EPG5: variants seen among roughly 807,000 people sequenced by gnomAD.
EPG5 encodes the protein ectopic P-granules 5 autophagy tethering factor.
EPG5 carries 159 observed loss-of-function variants against 302.7 expected under a neutral mutation model. The observed-to-expected ratio is 0.53, with a 90% confidence interval of 0.46 to 0.60. The LOEUF (loss-of-function observed/expected upper bound fraction) is 0.60. EPG5 is among the 20% of genes least tolerant of loss of function. The pLI is 0.00. For missense variants in EPG5, 2,896 were observed against 3,092.4 expected (o/e 0.94, Z 1.51); for synonymous variants, 1,158 against 1,136.8 (o/e 1.02, Z -0.37).
At position 45,858,699 on chromosome 18, in the gene EPG5, C is replaced by T; in HGVS notation, c.7093G>A (p.Glu2365Lys). The T allele has an allele frequency of 6.2e-7, 1 of 1,614,148 alleles. No homozygotes were observed. Among genetic ancestry groups the T allele is most frequent in the South Asian group, 1.1e-5 (1 of 91,092 alleles). The change falls in exon 41 of 44, where the codon GAG becomes AAG. Residue 2365 changes from glutamate to lysine, a missense_variant. By Grantham distance (56) the Glu-to-Lys change is moderately conservative. Around this residue, in one of 5 missense-constraint regions of EPG5, gnomAD observed 620 missense variants for 704.2 expected, o/e 0.88. Coordinates refer to ENST00000282041, the MANE Select transcript of EPG5 (RefSeq NM_020964.3). ...AAGTAACTGCCCAAGGTGAGGCACT[C>T]CTGCAGGAACTCTTCCATGGTGAGC... ...PELTMEEFLQECLTLGSYLTL... is the reference protein window; with the variant it reads ...PELTMEEFLQKCLTLGSYLTL...
chr18:45,807,936 G>A, the EPG5 span, among the ~76,000 whole-genome samples: 11 of 152,212 alleles, frequency 7.2e-5, no homozygotes, highest in East Asian at 2.1e-3. Flanking sequence ...AATTAAGGAG[G>A]CACTAGAGAA....
rs182512524 is a variant in EPG5 at position 45,889,859 on chromosome 18, C to T, written c.4891G>A (p.Ala1631Thr). ...ATATTAAGTGATGGTGGTTTAGCAG[C>T]TTCTGCTTGCAACTGCTTCACTTCC... The part of the protein sequence containing the change: ...RKEVKQLQAE[A>T]AKPPSLNIVE... The change falls in exon 28 of 44, where the codon GCT (alanine) becomes ACT (threonine). Residue 1631 changes from alanine (A) to threonine (T), a missense_variant. By Grantham distance (58) the Ala-to-Thr change is moderately conservative. Coordinates refer to ENST00000282041, the MANE Select transcript of EPG5 (RefSeq NM_020964.3). 1.8e-4 allele frequency: 288 copies of T among 1,612,336 alleles called. No homozygotes were observed. In the African/African-American group the frequency reaches 3.4e-3, roughly 19 times the overall value.
intron 27 of EPG5, among the ~76,000 whole-genome samples, chr18:45,893,458 A>G (rs12604856): frequency 0.83 from 125,473 of 151,570 alleles, 52,174 homozygotes; most frequent in East Asian, 0.9. Context: ...CCAGCTCCTC[A>G]GAGAGAATCA....
At chr18:45,856,024 T>C (rs1168867690) in intron 42 of EPG5, among the ~76,000 whole-genome samples, 5 of 152,210 alleles carry the variant, frequency 3.3e-5, no homozygotes, top group Admixed American at 2.0e-4. Flanking sequence ...AGAGTTACCA[T>C]AGGACCCAGC....
chr18:45,937,095 T>C (rs1169275189), intron 10 of EPG5, among the ~76,000 whole-genome samples: 1 of 151,896 alleles, frequency 6.6e-6, no homozygotes, highest in East Asian at 1.9e-4. Context: ...ACATGGGACC[T>C]GATGCTGTTT....
At chr18:45,898,145 A>G (rs1425314001) in intron 27 of EPG5, among the ~76,000 whole-genome samples, 4 of 152,176 alleles carry the variant, frequency 2.6e-5, no homozygotes, top group Non-Finnish European at 1.5e-5. Context: ...AGATTGCTTG[A>G]GCCCACTAGT....
At position 45,941,183 on chromosome 18, in the gene EPG5, G is replaced by A. The variant is rs964379487; in HGVS notation, c.1944-1428C>T. 2.0e-5 allele frequency among the ~76,000 whole-genome samples: 3 copies of A among 152,254 alleles called. No homozygotes were observed. The East Asian group carries it at 5.8e-4, about 29-fold the overall frequency. Reference sequence around the variant, plus strand: ...TGAGAATGAAACAACCAAGGAGGCAGAAAAGGGACTGTCAGTGAAATGGTG... The same window carrying A: ...TGAGAATGAAACAACCAAGGAGGCAAAAAAGGGACTGTCAGTGAAATGGTG... On this transcript the variant is annotated intron_variant, in intron 9 of 43. Coordinates refer to ENST00000282041, the MANE Select transcript of EPG5 (RefSeq NM_020964.3).
intron 24 of EPG5, among the ~76,000 whole-genome samples, chr18:45,905,464 T>G (rs2049727231): frequency 6.6e-6 from 1 of 152,156 alleles, no homozygotes; most frequent in African/African-American, 2.4e-5. Flanking sequence ...CTGATCACAA[T>G]CCTGAATTCT....
At chr18:45,887,674 T>C in intron 29 of EPG5, 77 bp downstream of exon 29, 1 of 1,265,584 alleles carries the variant, frequency 7.9e-7, no homozygotes, top group Non-Finnish European at 1.0e-6. Flanking sequence ...CTGAAGTCAA[T>C]GCTGACTATA....
chr18:45,895,103 C>A (rs1020067426), intron 27 of EPG5, among the ~76,000 whole-genome samples: 2 of 152,120 alleles, frequency 1.3e-5, no homozygotes, highest in African/African-American at 4.8e-5. Context: ...ATTTCAGAGG[C>A]AGAACCAATA....
intron 35 of EPG5, 93 bp downstream of exon 35, chr18:45,876,142 TA>T (rs952199396): frequency 2.6e-5 from 21 of 797,472 alleles, no homozygotes; most frequent in South Asian, 8.0e-5. Flanking sequence ...AACTGCCTAT[TA>T]AATAAAAATT....
In EPG5 at chr18:45,865,720, C is replaced by A. The variant is rs1421354882; in HGVS notation, c.6661G>T (p.Val2221Phe). The A allele has an allele frequency of 6.2e-7, 1 of 1,612,254 alleles. No individual in the cohort carries two copies. Among genetic ancestry groups the A allele is most frequent in the Non-Finnish European group, 8.5e-7 (1 of 1,179,676 alleles). The change falls in exon 39 of 44, where the codon GTT becomes TTT. Residue 2221 changes from valine (V) to phenylalanine (F), a missense_variant. Val to Phe is a conservative substitution (Grantham distance 50, BLOSUM62 -1). This residue lies in a region of EPG5 where 620 missense variants were observed against 704.2 expected (regional missense o/e 0.88). Coordinates refer to ENST00000282041, the MANE Select transcript of EPG5 (RefSeq NM_020964.3). ...TGTTCCAGGGTGCTGAGGAATTGAACCATCTGATGAGTAAAAGCTTGGCAT... is the reference window on the plus strand; with the variant it reads ...TGTTCCAGGGTGCTGAGGAATTGAAACATCTGATGAGTAAAAGCTTGGCAT... ...PKCQAFTHQM[V>F]QFLSTLEQNG...
In EPG5 at chr18:45,866,888, G is replaced by A; in HGVS notation, c.6531C>T (p.Ile2177=). ...YFSSHYPPSI[I]LAKESYAELI... is the part of the protein sequence containing the mutation. ...ATTCAGCATAAGATTCTTTTGCCAG[G>A]ATGATGGACGGCGGGTAATGGCTGC... The change falls in exon 38 of 44, where the codon ATC becomes ATT. Residue 2177 remains isoleucine (I), a synonymous_variant. Coordinates refer to ENST00000282041, the MANE Select transcript of EPG5 (RefSeq NM_020964.3). 2 of 1,614,184 alleles carry A rather than the reference G, an allele frequency of 1.2e-6. No homozygotes were observed. Among genetic ancestry groups the A allele is most frequent in the Non-Finnish European group, 8.5e-7 (1 of 1,180,008 alleles).
chr18:45,967,061 G>A, intron 1 of EPG5, 116 bp downstream of exon 1: 1 of 962,204 alleles, frequency 1.0e-6, no homozygotes, highest in South Asian at 1.7e-5. Context: ...GAAGGTGGAG[G>A]CGGAAGATGC....
intron 35 of EPG5, among the ~76,000 whole-genome samples, chr18:45,874,405 T>C (rs1599464718): frequency 1.3e-5 from 2 of 151,926 alleles, no homozygotes; most frequent in South Asian, 4.2e-4. Context: ...TAACTGTATG[T>C]ATTAGCTCAT....
At chr18:45,960,901 T>C (rs976877890) in intron 1 of EPG5, among the ~76,000 whole-genome samples, 8 of 152,160 alleles carry the variant, frequency 5.3e-5, no homozygotes, top group African/African-American at 1.7e-4. Flanking sequence ...AGATGTAGAA[T>C]AGGCTTGGAT....
chr18:45,877,606 A>C (rs1217323713), intron 34 of EPG5, among the ~76,000 whole-genome samples: 1 of 152,200 alleles, frequency 6.6e-6, no homozygotes, highest in East Asian at 1.9e-4. Context: ...GCAAACATTC[A>C]GAACCTTTTA....
chr18:45,880,956 G>C (rs973211787), intron 31 of EPG5, among the ~76,000 whole-genome samples: 1 of 152,144 alleles, frequency 6.6e-6, no homozygotes, highest in African/African-American at 2.4e-5. Context: ...TGGATCTTAG[G>C]ACAGCGCCCC....
In EPG5 at chr18:45,955,198, G is replaced by A; in HGVS notation, c.204C>T (p.Leu68=). The A allele has an allele frequency of 6.2e-7, 1 of 1,614,156 alleles. No individual in the cohort carries two copies. Among genetic ancestry groups the A allele is most frequent in the Non-Finnish European group, 8.5e-7 (1 of 1,180,028 alleles). ...DHLKVVTDSQ[L]QDDASGQNES... is the part of the protein sequence containing the mutation. ...CATTTTGTCCACTGGCATCATCCTG[G>A]AGCTGGGAATCAGTTACCACCTTCA... The change falls in exon 2 of 44, where the codon CTC becomes CTT. Residue 68 remains leucine (L), a synonymous_variant. Coordinates refer to ENST00000282041, the MANE Select transcript of EPG5 (RefSeq NM_020964.3).
Sources: allele counts gnomAD v4.1 joint callset (sites outside exome capture counted in the v4.1 genomes callset), GRCh38; gene constraint gnomAD v4.1.1; regional missense constraint gnomAD v4.1.1; transcripts MANE v1.5; gene names NCBI Gene and HGNC (gene_info 2026-07-23, HGNC 2026-07-21).